CACNA1D: variants seen among roughly 807,000 people sequenced by gnomAD.
CACNA1D encodes calcium voltage-gated channel subunit alpha1 D, also known as voltage-dependent L-type calcium channel subunit alpha-1D.
In CACNA1D, 55 loss-of-function variants were observed where a neutral mutation model predicts 257.1. That is an observed-to-expected ratio of 0.21 (90% CI 0.17 to 0.27). The LOEUF is 0.27. Ranked by LOEUF, CACNA1D falls within the 10% of genes least tolerant of loss-of-function variation. The probability of loss-of-function intolerance (pLI) is 1.00; values close to 1 mark genes in which losing one functional copy is unlikely to be tolerated. For missense variants in CACNA1D, 1,876 were observed against 2,784.0 expected (o/e 0.67, Z 7.34); for synonymous variants, 980 against 1,014.9 (o/e 0.97, Z 0.65).
intron 3 of CACNA1D, among the ~76,000 whole-genome samples, chr3:53,555,919 A>G (rs2092636780): frequency 6.6e-6 from 1 of 152,202 alleles, no homozygotes; most frequent in Non-Finnish European, 1.5e-5. Flanking sequence ...CTCTTACCAC[A>G]ATTAAGATAA....
rs2095425804 is a variant in CACNA1D at position 53,781,616 on chromosome 3, T to G, written c.4741T>G (p.Trp1581Gly). ...EELRAVIKKI[W>G]KKTSMKLLDQ... ...ACTTCGGGCTGTGATAAAGAAAATT[T>G]GGAAGAAAACCAGCATGAAATTACT... is the stretch of plus-strand genomic sequence containing the variant. Residue 1581 changes from tryptophan to glycine, a missense_variant, in exon 39 of 48, where the codon TGG (tryptophan) becomes GGG (glycine). This residue lies in a region of CACNA1D where 160 missense variants were observed against 236.6 expected (regional missense o/e 0.68). Transcript: ENST00000350061. The G allele has an allele frequency of 2.5e-6, 4 of 1,614,208 alleles. No individual in the cohort carries two copies. The highest frequency in any genetic ancestry group is 3.4e-6 in the Non-Finnish European group (4 of 1,180,000).
At chr3:53,777,738 T>A (rs1295844033) in intron 37 of CACNA1D, among the ~76,000 whole-genome samples, 1 of 152,198 alleles carries the variant, frequency 6.6e-6, no homozygotes, top group Non-Finnish European at 1.5e-5. Flanking sequence ...CAGGGATGGA[T>A]GCAGATCTCC....
At chr3:53,683,033 A>G (rs909666387) in intron 8 of CACNA1D, among the ~76,000 whole-genome samples, 38 of 152,182 alleles carry the variant, frequency 2.5e-4, no homozygotes, top group African/African-American at 8.2e-4. Flanking sequence ...ACGATGGTCT[A>G]TTTGCTGAGG....
At chr3:53,568,162 A>G (rs912126316) in intron 3 of CACNA1D, among the ~76,000 whole-genome samples, 18 of 152,154 alleles carry the variant, frequency 1.2e-4, no homozygotes, top group Non-Finnish European at 1.5e-5. Context: ...CTGTCTTGGT[A>G]AGACCTCAGA....
intron 40 of CACNA1D, chr3:53,791,927 G>A (rs2095485356): frequency 6.6e-6 from 1 of 152,274 alleles, no homozygotes; most frequent in Non-Finnish European, 1.5e-5. Context: ...TAACCTCTCT[G>A]TGCCTCAGTT....
intron 27 of CACNA1D, 99 bp downstream of exon 27, chr3:53,749,568 A>G (rs1050052720): frequency 1.2e-6 from 1 of 833,524 alleles, no homozygotes; most frequent in Non-Finnish European, 2.0e-6. Context: ...GGGCACCCAC[A>G]TACTGTCTGT....
intron 29 of CACNA1D, among the ~76,000 whole-genome samples, chr3:53,756,540 C>G (rs1046577243): frequency 3.3e-5 from 5 of 152,190 alleles, no homozygotes; most frequent in African/African-American, 1.2e-4. Flanking sequence ...TTGTGGGTTC[C>G]CGAAGGGAAA....
At chr3:53,702,379 C>T (rs576760084) in intron 8 of CACNA1D, among the ~76,000 whole-genome samples, 1 of 152,118 alleles carries the variant, frequency 6.6e-6, no homozygotes, top group African/African-American at 2.4e-5. Context: ...CCCTTGAGAT[C>T]GCTGTCATCG....
At chr3:53,715,604 C>T (rs566231929) in intron 9 of CACNA1D, among the ~76,000 whole-genome samples, 1 of 152,290 alleles carries the variant, frequency 6.6e-6, no homozygotes, top group South Asian at 2.1e-4. Context: ...GGACCCAGCA[C>T]TCCGCATGCC....
At chr3:53,629,434 T>A (rs1283135975) in intron 3 of CACNA1D, among the ~76,000 whole-genome samples, 3 of 152,222 alleles carry the variant, frequency 2.0e-5, no homozygotes, top group Non-Finnish European at 4.4e-5. Flanking sequence ...GAACTGAGTA[T>A]CCAACATAGG....
chr3:53,582,789 T>C (rs891978958), intron 3 of CACNA1D, among the ~76,000 whole-genome samples: 3 of 152,134 alleles, frequency 2.0e-5, no homozygotes, highest in African/African-American at 7.2e-5. Flanking sequence ...AGTTTTCCTT[T>C]GGGACAAGGG....
chr3:53,705,487 T>A (rs1010941959), intron 9 of CACNA1D, among the ~76,000 whole-genome samples: 7 of 152,204 alleles, frequency 4.6e-5, no homozygotes, highest in Non-Finnish European at 8.8e-5. Context: ...TTGTTTCTGC[T>A]ATGCACCGTG....
intron 8 of CACNA1D, among the ~76,000 whole-genome samples, chr3:53,695,674 G>C (rs978640993): frequency 1.3e-5 from 2 of 152,210 alleles, no homozygotes; most frequent in African/African-American, 4.8e-5. Flanking sequence ...TTTCCAAATA[G>C]TCGTGTAAGA....
At chr3:53,739,510 C>T (rs1446253704) in intron 20 of CACNA1D, among the ~76,000 whole-genome samples, 2 of 152,180 alleles carry the variant, frequency 1.3e-5, no homozygotes, top group East Asian at 1.9e-4. Flanking sequence ...TAGCAGGACT[C>T]TGCTGATGGG....
intron 3 of CACNA1D, among the ~76,000 whole-genome samples, chr3:53,600,185 C>T (rs1177390037): frequency 6.6e-6 from 1 of 152,224 alleles, no homozygotes; most frequent in Non-Finnish European, 1.5e-5. Flanking sequence ...TTCATTTGGC[C>T]AGCATGTATC....
chr3:53,539,608 A>G (rs59558922), intron 3 of CACNA1D, among the ~76,000 whole-genome samples: 3 of 152,320 alleles, frequency 2.0e-5, no homozygotes, highest in South Asian at 2.1e-4. Flanking sequence ...GCACATGTGC[A>G]TATGTTTTTG....
At chr3:53,538,650 G>A (rs1441899909) in intron 3 of CACNA1D, among the ~76,000 whole-genome samples, 1 of 152,112 alleles carries the variant, frequency 6.6e-6, no homozygotes, top group Non-Finnish European at 1.5e-5. Flanking sequence ...TGTTTGGCAT[G>A]ACCTAGTAGT....
chr3:53,630,092 C>G (rs1409998747), intron 3 of CACNA1D, among the ~76,000 whole-genome samples: 1 of 152,168 alleles, frequency 6.6e-6, no homozygotes, highest in Non-Finnish European at 1.5e-5. Flanking sequence ...TTTAAAAAGA[C>G]ATAACACCTG....
intron 8 of CACNA1D, among the ~76,000 whole-genome samples, chr3:53,680,513 A>G (rs974028806): frequency 6.6e-6 from 1 of 152,156 alleles, no homozygotes; most frequent in Admixed American, 6.5e-5. Flanking sequence ...GTTGATGTGC[A>G]GGTTAGAAGA....
Sources: gnomAD v4.1 joint callset for allele counts (sites outside exome capture counted in the v4.1 genomes callset) on GRCh38, gnomAD v4.1.1 for gene constraint, gnomAD v4.1.1 regional missense constraint, MANE v1.5 for transcripts, NCBI Gene and HGNC (gene_info 2026-07-23, HGNC 2026-07-21) for gene names.